Variants in ZNF146 observed in about 807,000 individuals in gnomAD.
ZNF146 encodes zinc finger protein 146, also known as zinc finger protein OZF.
Under a neutral mutation model 22.2 loss-of-function variants are expected in ZNF146, and 9 were observed. That is an observed-to-expected ratio of 0.41 (90% CI 0.24 to 0.71). The LOEUF (loss-of-function observed/expected upper bound fraction) is 0.71. Among genes scored for constraint, ZNF146 ranks in the 30% least tolerant of loss-of-function variants. The pLI is 0.34. For missense variants in ZNF146, 194 were observed against 344.8 expected (o/e 0.56, Z 3.46); for synonymous variants, 108 against 119.2 (o/e 0.91, Z 0.61).
intron 1 of ZNF146, among the ~76,000 whole-genome samples, chr19:36,217,055 C>CTTTTTTTTTTTTTTT (rs752632008): frequency 3.0e-5 from 2 of 65,866 alleles, no homozygotes; most frequent in East Asian, 5.5e-4. Context: ...CAGTCCCTGT[C>CTTTTTTTTTTTTTTT]TTTTTTTTTT....
At position 36,221,150 on chromosome 19, in the gene ZNF146, A is replaced by G. The variant is rs143413477; in HGVS notation, c.-855+2955A>G. ...CATGAGCCACTGAGCCCAGCTTTTAAAATGCATCTCACTAAAGATGTATGT... is the reference window on the plus strand; with the variant it reads ...CATGAGCCACTGAGCCCAGCTTTTAGAATGCATCTCACTAAAGATGTATGT... On this transcript the variant is annotated intron_variant, in intron 2 of 3. Coordinates refer to ENST00000443387, the MANE Select transcript of ZNF146 (RefSeq NM_007145.3). 1.3e-3 allele frequency among the ~76,000 whole-genome samples: 194 copies of G among 152,168 alleles called. 1 individual carries two copies. The highest frequency in any genetic ancestry group is 4.5e-3 in the African/African-American group (187 of 41,524).
chr19:36,219,264 C>T (rs1976740395), intron 2 of ZNF146, among the ~76,000 whole-genome samples: 1 of 152,156 alleles, frequency 6.6e-6, no homozygotes, highest in Non-Finnish European at 1.5e-5. Flanking sequence ...TGAAGAGATC[C>T]TCCCACCTCA....
In ZNF146 at chr19:36,237,286, C is replaced by T; in HGVS notation, c.846C>T (p.His282=). The change falls in exon 4 of 4, where the codon CAC becomes CAT. Residue 282 remains histidine, a synonymous_variant. Transcript: ENST00000443387. The part of the protein sequence containing the change: ...ECGKAFSQKS[H]HIRHQKIHTH ...GGAAAGCTTTCAGCCAGAAGTCACA[C>T]CACATTAGACACCAGAAAATTCATA... The T allele has an allele frequency of 1.2e-6, 2 of 1,609,728 alleles. No homozygotes were observed. Among genetic ancestry groups the T allele is most frequent in the South Asian group, 1.1e-5 (1 of 90,616 alleles).
intron 2 of ZNF146, among the ~76,000 whole-genome samples, chr19:36,218,536 G>T (rs1450380226): frequency 6.6e-6 from 1 of 151,776 alleles, no homozygotes; most frequent in Non-Finnish European, 1.5e-5. Context: ...CCTGATCTCG[G>T]CTCACTGCAG....
rs1332656993 is a variant in ZNF146, at chr19:36,231,882, G to A, written c.-783+3063G>A. On this transcript the variant is annotated intron_variant, in intron 3 of 3. Coordinates refer to ENST00000443387, the MANE Select transcript of ZNF146 (RefSeq NM_007145.3). ...GGAGTTCTAGACCAGCCTGGGCAGC[G>A]TGTTGAGACCCCGTATCTTTTTTAT... Among the ~76,000 whole-genome samples, 3 of 150,672 alleles carry A rather than the reference G, an allele frequency of 2.0e-5. No homozygotes were observed. The South Asian group carries it at 6.3e-4, about 32-fold the overall frequency.
intron 2 of ZNF146, among the ~76,000 whole-genome samples, chr19:36,218,950 G>A (rs903600738): frequency 2.0e-5 from 3 of 150,884 alleles, no homozygotes; most frequent in African/African-American, 7.3e-5. Flanking sequence ...CTGGGACTAC[G>A]GGCGCCCACC....
intron 2 of ZNF146, among the ~76,000 whole-genome samples, chr19:36,221,720 T>C (rs1976847332): frequency 6.6e-6 from 1 of 152,190 alleles, no homozygotes; most frequent in Non-Finnish European, 1.5e-5. Flanking sequence ...TTCTTTGTCT[T>C]ATGTAAACAT....
chr19:36,228,006 C>T (rs1977149769), intron 2 of ZNF146, among the ~76,000 whole-genome samples: 2 of 152,054 alleles, frequency 1.3e-5, no homozygotes, highest in Admixed American at 6.6e-5. Flanking sequence ...ACTAAAAATA[C>T]AAAATTAGCC....
At chr19:36,220,855 CTTT>C (rs61343359) in intron 2 of ZNF146, among the ~76,000 whole-genome samples, 3 of 142,228 alleles carry the variant, frequency 2.1e-5, no homozygotes, top group Non-Finnish European at 3.1e-5. Flanking sequence ...TAAAATGCAT[CTTT>C]TTTTTTTTTT....
In ZNF146 at chr19:36,238,278, C is replaced by T. The variant is rs748237175; in HGVS notation, c.*959C>T. On this transcript the variant is annotated 3_prime_UTR_variant, in exon 4 of 4. Transcript: ENST00000443387. ...TTGAATTAAAAGTTTCCTCATAAAA[C>T]TCAGTACTATCTATTGGTAATGGAT... 1.8e-5 allele frequency: 3 copies of T among 167,078 alleles called. No homozygotes were observed. Among genetic ancestry groups the T allele is most frequent in the Admixed American group, 6.5e-5 (1 of 15,286 alleles). The allele number at this position is 167,078 out of a possible 1,614,324, so 10.3% of individuals were successfully genotyped here.
intron 3 of ZNF146, among the ~76,000 whole-genome samples, chr19:36,232,774 A>G (rs535142929): frequency 1.3e-5 from 2 of 152,018 alleles, no homozygotes; most frequent in East Asian, 3.9e-4. Flanking sequence ...ACATCCAGCT[A>G]ATTTTTTGTA....
intron 2 of ZNF146, among the ~76,000 whole-genome samples, chr19:36,224,208 C>G (rs950008087): frequency 3.3e-5 from 5 of 152,110 alleles, no homozygotes; most frequent in Non-Finnish European, 4.4e-5. Flanking sequence ...ATGGAGAAAC[C>G]CTGTCTCTAC....
At chr19:36,231,298 C>T (rs1429492291) in intron 3 of ZNF146, among the ~76,000 whole-genome samples, 1 of 151,976 alleles carries the variant, frequency 6.6e-6, no homozygotes, top group African/African-American at 2.4e-5. Flanking sequence ...CAGCCTCTGC[C>T]TCCCGGGTTC....
chr19:36,230,905 G>C (rs1470482840), intron 3 of ZNF146, among the ~76,000 whole-genome samples: 1 of 152,046 alleles, frequency 6.6e-6, no homozygotes, highest in Non-Finnish European at 1.5e-5. Flanking sequence ...AGGTTCAAGC[G>C]ATTCTCCTGC....
intron 3 of ZNF146, among the ~76,000 whole-genome samples, chr19:36,235,420 G>T (rs545180181): frequency 6.6e-6 from 1 of 152,190 alleles, no homozygotes; most frequent in African/African-American, 2.4e-5. Context: ...ATCACCTCAA[G>T]TAGGGTTCCC....
chr19:36,232,838 G>A (rs1977446470), intron 3 of ZNF146, among the ~76,000 whole-genome samples: 1 of 151,920 alleles, frequency 6.6e-6, no homozygotes, highest in South Asian at 2.1e-4. Flanking sequence ...TTAAACTCTT[G>A]GCCCCACAGT....
intron 3 of ZNF146, among the ~76,000 whole-genome samples, chr19:36,234,103 C>A (rs1285607265): frequency 1.3e-5 from 2 of 152,160 alleles, no homozygotes; most frequent in Non-Finnish European, 2.9e-5. Flanking sequence ...GAGCATGCTG[C>A]CTTCAAGCAT....
Position 36,237,304 on chromosome 19 carries a change from A to G in ZNF146, c.864A>G (p.Lys288=). The G allele has an allele frequency of 6.2e-7, 1 of 1,604,654 alleles. No individual in the cohort carries two copies. Among genetic ancestry groups the G allele is most frequent in the South Asian group, 1.1e-5 (1 of 89,896 alleles). The change falls in exon 4 of 4, where the codon AAA becomes AAG. Residue 288 remains lysine (K), a synonymous_variant. Coordinates refer to ENST00000443387, the MANE Select transcript of ZNF146 (RefSeq NM_007145.3). ...SQKSHHIRHQ[K]IHTH ...AGTCACACCACATTAGACACCAGAA[A>G]ATTCATACTCACTAAAAACCCCATG... is the stretch of plus-strand genomic sequence containing the variant.
rs759214480 is a variant in ZNF146 at position 36,237,002 on chromosome 19, G to C, written c.562G>C (p.Glu188Gln). The C allele has an allele frequency of 1.2e-6, 2 of 1,614,070 alleles. No homozygotes were observed. The highest frequency in any genetic ancestry group is 2.2e-5 in the East Asian group (1 of 44,900). ...HTGEKPYECNECGKAFSQRTS... is the reference protein window; with the variant it reads ...HTGEKPYECNQCGKAFSQRTS... ...TGGAGAGAAACCCTATGAATGTAAC[G>C]AATGTGGAAAAGCCTTCTCTCAGCG... The change falls in exon 4 of 4, where the codon GAA (glutamate) becomes CAA (glutamine). Residue 188 changes from glutamate (E) to glutamine (Q), a missense_variant. Coordinates refer to ENST00000443387, the MANE Select transcript of ZNF146 (RefSeq NM_007145.3).
Sources: allele counts gnomAD v4.1 joint callset (sites outside exome capture counted in the v4.1 genomes callset), GRCh38; gene constraint gnomAD v4.1.1; transcripts MANE v1.5; gene names NCBI Gene and HGNC (gene_info 2026-07-23, HGNC 2026-07-21).